The following PDE11A variants were observed in gnomAD, a reference collection of about 807,000 sequenced individuals.
PDE11A encodes the protein phosphodiesterase 11A.
In PDE11A, 100 loss-of-function variants were observed where a neutral mutation model predicts 100.5. The ratio of observed to expected loss-of-function variants is 1.00; its 90% confidence interval spans 0.85 to 1.18. The LOEUF is 1.18. PDE11A is among the 50% of genes most tolerant of loss of function. The probability of loss-of-function intolerance (pLI) is 0.00; values close to 1 mark genes in which losing one functional copy is unlikely to be tolerated. For synonymous variants in PDE11A, 381 were observed against 420.8 expected (o/e 0.91, Z 1.16); for missense variants, 1,141 against 1,152.6 (o/e 0.99, Z 0.15).
intron 5 of PDE11A, among the ~76,000 whole-genome samples, chr2:177,863,076 A>C (rs1666364951): frequency 6.6e-6 from 1 of 151,978 alleles, no homozygotes; most frequent in Non-Finnish European, 1.5e-5. Flanking sequence ...ACAGGACACA[A>C]CAGGAAAATA....
At chr2:178,025,581 A>C (rs1295980259) in intron 1 of PDE11A, among the ~76,000 whole-genome samples, 2 of 152,188 alleles carry the variant, frequency 1.3e-5, no homozygotes, top group East Asian at 3.8e-4. Context: ...CAAAATACAC[A>C]GGAAAATGAA....
chr2:177,779,099 C>A (rs920642047), intron 9 of PDE11A, among the ~76,000 whole-genome samples: 1 of 152,130 alleles, frequency 6.6e-6, no homozygotes, highest in Admixed American at 6.6e-5. Context: ...GAGTTACATA[C>A]GTTTTTTGGT....
intron 15 of PDE11A, among the ~76,000 whole-genome samples, chr2:177,688,835 T>G (rs191387151): frequency 5.9e-5 from 9 of 152,354 alleles, no homozygotes; most frequent in African/African-American, 2.2e-4. Flanking sequence ...ATCACCACAT[T>G]GAAAAACTTT....
chr2:177,659,267 G>GAAAAAAAAAAAAAAAAAAAAAAAGAAA (rs71010812), intron 19 of PDE11A, among the ~76,000 whole-genome samples: 1 of 128,204 alleles, frequency 7.8e-6, no homozygotes. Flanking sequence ...ATCTCAGGGG[G>GAAAAAAAAAAAAAAAAAAAAAAAGAAA]AAAAAAAAAA....
At chr2:177,764,082 T>C (rs2082207355) in intron 10 of PDE11A, among the ~76,000 whole-genome samples, 1 of 152,240 alleles carries the variant, frequency 6.6e-6, no homozygotes, top group African/African-American at 2.4e-5. Flanking sequence ...TTAAGCCTAG[T>C]AAATCACATC....
At chr2:178,080,817 T>TA (rs1281801540) in intron 2 of PDE11A, among the ~76,000 whole-genome samples, 4 of 151,814 alleles carry the variant, frequency 2.6e-5, no homozygotes, top group Middle Eastern at 3.2e-3. Flanking sequence ...ACTAATAAAT[T>TA]AAAAAAAACA....
At chr2:177,924,395 A>C (rs571429009) in intron 2 of PDE11A, among the ~76,000 whole-genome samples, 39 of 152,332 alleles carry the variant, frequency 2.6e-4, no homozygotes, top group African/African-American at 9.1e-4. Flanking sequence ...CTTAAAGGGC[A>C]GAAATTTTCC....
intron 9 of PDE11A, among the ~76,000 whole-genome samples, chr2:177,793,002 T>C (rs914491948): frequency 2.0e-5 from 3 of 152,084 alleles, no homozygotes. Flanking sequence ...CTTTGAGACA[T>C]GATACTTAAG....
At chr2:177,965,670 A>C (rs1472746475) in intron 2 of PDE11A, among the ~76,000 whole-genome samples, 1 of 152,092 alleles carries the variant, frequency 6.6e-6, no homozygotes, top group Non-Finnish European at 1.5e-5. Context: ...AGATAGTTGT[A>C]GGTGTGTGGC....
At chr2:177,837,947 G>T (rs1321264111) in intron 6 of PDE11A, among the ~76,000 whole-genome samples, 1 of 152,100 alleles carries the variant, frequency 6.6e-6, no homozygotes, top group Non-Finnish European at 1.5e-5. Flanking sequence ...GGACCTTTAT[G>T]GTTTTTTTCC....
At chr2:177,647,239 A>G (rs2080235733) in intron 19 of PDE11A, among the ~76,000 whole-genome samples, 1 of 152,240 alleles carries the variant, frequency 6.6e-6, no homozygotes, top group African/African-American at 2.4e-5. Flanking sequence ...GGATCACTTA[A>G]AACTTTTAGT....
chr2:178,089,976 T>C (rs1480340975), intron 2 of PDE11A, among the ~76,000 whole-genome samples: 1 of 152,220 alleles, frequency 6.6e-6, no homozygotes, highest in Non-Finnish European at 1.5e-5. Context: ...GAAGAGCTGT[T>C]GTCCCACCAC....
rs2105478672 is a variant in PDE11A, at chr2:177,663,902, C to T, written c.2610G>A (p.Leu870=). ...GCATGCAGATGCTATCAATCCACTC[C>T]AGTTGCAACCGAGGCAGTTCATCCT... The part of the protein sequence containing the change: ...NRKDELPRLQ[L]EWIDSICMPL... Residue 870 remains leucine, a synonymous_variant, in exon 19 of 20, where the codon CTG becomes CTA. Transcript: ENST00000286063. 6.2e-7 allele frequency: 1 copy of T among 1,611,520 alleles called. No homozygotes were observed. Among genetic ancestry groups the T allele is most frequent in the Non-Finnish European group, 8.5e-7 (1 of 1,177,612 alleles).
intron 18 of PDE11A, among the ~76,000 whole-genome samples, chr2:177,666,075 C>T (rs888107622): frequency 3.9e-5 from 6 of 152,140 alleles, no homozygotes; most frequent in African/African-American, 9.7e-5. Flanking sequence ...CAGTCATTCT[C>T]GCTTTTTTTC....
chr2:177,971,687 C>A (rs1404319811), intron 2 of PDE11A, among the ~76,000 whole-genome samples: 1 of 152,034 alleles, frequency 6.6e-6, no homozygotes, highest in Non-Finnish European at 1.5e-5. Context: ...ATGGAGGAGG[C>A]TGATATTTAT....
chr2:177,718,190 A>G (rs946144640), intron 12 of PDE11A, among the ~76,000 whole-genome samples: 4 of 152,214 alleles, frequency 2.6e-5, no homozygotes, highest in Non-Finnish European at 5.9e-5. Context: ...TAGCTCATTT[A>G]ATCCTTACAA....
At chr2:177,926,742 A>C (rs1304011481) in intron 2 of PDE11A, among the ~76,000 whole-genome samples, 1 of 151,270 alleles carries the variant, frequency 6.6e-6, no homozygotes, top group South Asian at 2.1e-4. Context: ...TATTATCTAC[A>C]TTTCCTGGTT....
chr2:178,024,703 A>G (rs569559988), intron 1 of PDE11A, among the ~76,000 whole-genome samples: 1 of 152,352 alleles, frequency 6.6e-6, no homozygotes, highest in Non-Finnish European at 1.5e-5. Context: ...CATAAAATGA[A>G]TAATCCATTG....
chr2:177,758,646 C>T (rs1213620189), intron 10 of PDE11A, among the ~76,000 whole-genome samples: 1 of 152,178 alleles, frequency 6.6e-6, no homozygotes, highest in Admixed American at 6.5e-5. Context: ...AATTACACAC[C>T]ACAATAAAAA....
Sources: gnomAD v4.1 joint callset for allele counts (sites outside exome capture counted in the v4.1 genomes callset) on GRCh38, gnomAD v4.1.1 for gene constraint, MANE v1.5 for transcripts, NCBI Gene and HGNC (gene_info 2026-07-23, HGNC 2026-07-21) for gene names.